SCARF1: variants seen among roughly 807,000 people sequenced by gnomAD.
SCARF1 encodes acetyl LDL receptor.
Under a neutral mutation model 76.3 loss-of-function variants are expected in SCARF1, and 49 were observed. The observed-to-expected ratio is 0.64, with a 90% CI of 0.51 to 0.81. The LOEUF (loss-of-function observed/expected upper bound fraction) is 0.81. SCARF1 is among the 40% of genes least tolerant of loss of function. SCARF1 has a pLI of 0.00. For synonymous variants in SCARF1, 495 were observed against 474.6 expected (o/e 1.04, Z -0.56); for missense variants, 1,098 against 1,143.9 (o/e 0.96, Z 0.58).
chr17:1,638,692 C>G lies in SCARF1; in HGVS notation c.1364+114G>C, dbSNP rs142317105. 527 of 1,336,148 alleles carry G rather than the reference C, an allele frequency of 3.9e-4. 3 individuals carry two copies. The African/African-American group carries it at 7.1e-3, about 18-fold the overall frequency. 82.8% of individuals were successfully genotyped at this position (1,336,148 alleles called of 1,614,324 possible). The stretch of plus-strand genomic sequence containing the variant: ...CCAGCCCTCCCCACCCCCATCACCT[C>G]TGACCCACGTGGGCAACAAGGCCAG... On this transcript the variant is annotated intron_variant, in intron 8 of 10. Coordinates refer to ENST00000263071, the MANE Select transcript of SCARF1 (RefSeq NM_003693.4).
At chr17:1,641,446 C>T (rs956235980) in intron 4 of SCARF1, among the ~76,000 whole-genome samples, 1 of 152,204 alleles carries the variant, frequency 6.6e-6, no homozygotes, top group Non-Finnish European at 1.5e-5. Flanking sequence ...ATTATTATTT[C>T]ATTATAGATT....
chr17:1,640,164 A>C lies in SCARF1; in HGVS notation c.1011-124T>G. 8.4e-7 allele frequency: 1 copy of C among 1,190,610 alleles called. No homozygotes were observed. Among genetic ancestry groups the C allele is most frequent in the East Asian group, 2.4e-5 (1 of 40,868 alleles). 73.8% of individuals were successfully genotyped at this position (1,190,610 alleles called of 1,614,324 possible). A position where few individuals can be genotyped will look rare whatever the true frequency, so the allele number is the denominator to read the frequency against. On this transcript the variant is annotated intron_variant, in intron 5 of 10. Transcript: ENST00000263071. The surrounding 1 kb of genome is among the most constrained non-coding windows in gnomAD (Gnocchi z 4.7). ...CCAACTGGCCACTCCTCAGCAGTGA[A>C]GCTCAGGTGCAAATAGGGCCTTGAA... is the stretch of plus-strand genomic sequence containing the variant.
Position 1,638,705 on chromosome 17 carries a change from G to A in SCARF1, c.1364+101C>T. ...CCCCCATCACCTCTGACCCACGTGG[G>A]CAACAAGGCCAGCCCTCCCCACCCC... On this transcript the variant is annotated intron_variant, in intron 8 of 10. Transcript: ENST00000263071. 4 of 1,372,270 alleles carry A rather than the reference G, an allele frequency of 2.9e-6. 1 individual carries two copies. In the South Asian group the frequency reaches 5.2e-5, roughly 18 times the overall value. The allele number at this position is 1,372,270 out of a possible 1,614,324, so 85.0% of individuals were successfully genotyped here.
chr17:1,635,728 G>A (rs1219863048), intron 10 of SCARF1, 111 bp from the exon 11 acceptor site: 13 of 1,324,346 alleles, frequency 9.8e-6, no homozygotes, highest in Non-Finnish European at 1.2e-5. Flanking sequence ...AAGGAAGAGG[G>A]CAAGGATGAG....
rs1910439232 is a variant in SCARF1 at position 1,645,254 on chromosome 17, G to A, written c.102-15C>T. ...CAGCAGAGGGGCTGTGGGGCAAAAA[G>A]GGGTCAGCCGGACATGGTGGGGGGT... On this transcript the variant is annotated splice_polypyrimidine_tract_variant and intron_variant, in intron 1 of 10. Transcript: ENST00000263071. The surrounding 1 kb of genome is among the most constrained non-coding windows in gnomAD (Gnocchi z 6.3). The A allele has an allele frequency of 5.0e-6, 8 of 1,612,270 alleles. No individual in the cohort carries two copies. Among genetic ancestry groups the A allele is most frequent in the Non-Finnish European group, 6.8e-6 (8 of 1,179,862 alleles).
At position 1,640,441 on chromosome 17, in the gene SCARF1, C is replaced by A; in HGVS notation, c.1010+7G>T. On this transcript the variant is annotated splice_region_variant and intron_variant, in intron 5 of 10. Transcript: ENST00000263071. The surrounding 1 kb of genome is among the most constrained non-coding windows in gnomAD (Gnocchi z 4.7). ...GTACCCCACCCTGAACAGAATGGTG[C>A]CCTCACCTGGGCCCCAGCCAGCCAG... is the stretch of plus-strand genomic sequence containing the variant. 1 of 1,549,404 alleles carries A rather than the reference C, an allele frequency of 6.5e-7. No individual in the cohort carries two copies. The highest frequency in any genetic ancestry group is 8.7e-7 in the Non-Finnish European group (1 of 1,146,564).
At position 1,644,270 on chromosome 17, in the gene SCARF1, C is replaced by A. The variant is rs1296563235; in HGVS notation, c.266-303G>T. 5.7e-6 allele frequency: 2 copies of A among 353,454 alleles called. No individual in the cohort carries two copies. Among genetic ancestry groups the A allele is most frequent in the Non-Finnish European group, 1.0e-5 (2 of 196,658 alleles). The allele number at this position is 353,454 out of a possible 1,614,324, so 21.9% of individuals were successfully genotyped here. A position where few individuals can be genotyped will look rare whatever the true frequency, so the allele number is the denominator to read the frequency against. Reference sequence around the variant, plus strand: ...GTGGCACCGAGGTTGGTGGGCCTTCCTCCATGCCTGCTCCTCCCTGCCGAG... The same window carrying A: ...GTGGCACCGAGGTTGGTGGGCCTTCATCCATGCCTGCTCCTCCCTGCCGAG... On this transcript the variant is annotated intron_variant, in intron 3 of 10. Coordinates refer to ENST00000263071, the MANE Select transcript of SCARF1 (RefSeq NM_003693.4). The surrounding 1 kb of genome is among the most constrained non-coding windows in gnomAD (Gnocchi z 4.8).
At position 1,641,214 on chromosome 17, in the gene SCARF1, C is replaced by T. The variant is rs530024853; in HGVS notation, c.792-548G>A. Among the ~76,000 whole-genome samples, 8 of 152,314 alleles carry T rather than the reference C, an allele frequency of 5.3e-5. 2 individuals are homozygous for T. Among genetic ancestry groups the T allele is most frequent in the East Asian group, 1.9e-4 (1 of 5,186 alleles). ...GAGATGACCAGCAGGGGAGCCTGAC[C>T]GCCTGAGCTCCGCTGCCAGCCAGAT... On this transcript the variant is annotated intron_variant, in intron 4 of 10. Coordinates refer to ENST00000263071, the MANE Select transcript of SCARF1 (RefSeq NM_003693.4).
rs1180908520 is a variant in SCARF1 at position 1,639,660 on chromosome 17, C to T, written c.1222G>A (p.Val408Ile). 1 of 1,574,134 alleles carries T rather than the reference C, an allele frequency of 6.4e-7. No individual in the cohort carries two copies. The highest frequency in any genetic ancestry group is 8.6e-7 in the Non-Finnish European group (1 of 1,159,898). ...CECPEGLCHP[V>I]SGSCQPGSGS... ...TTACCTGGCTGGCAGGACCCAGAGA[C>T]AGGGTGGCAGAGTCCCTCTGGGCAT... The change falls in exon 7 of 11, where the codon GTC becomes ATC. Residue 408 changes from valine (V) to isoleucine (I), a missense_variant. Transcript: ENST00000263071.
rs760501209 is a variant in SCARF1 at position 1,635,389 on chromosome 17, C to T, written c.1862G>A (p.Arg621Gln). 6 of 1,613,418 alleles carry T rather than the reference C, an allele frequency of 3.7e-6. No homozygotes were observed. The highest frequency in any genetic ancestry group is 2.2e-5 in the South Asian group (2 of 91,054). ...SPLRKPKRLS[R>Q]GAQSGPEGRE... ...GCCCTCAGGACCCGACTGCGCCCCC[C>T]GGGAGAGCCTCTTGGGCTTTCGGAG... The change falls in exon 11 of 11, where the codon CGG becomes CAG. Residue 621 changes from arginine (R) to glutamine (Q), a missense_variant. Physicochemically the swap from Arg to Gln is conservative, Grantham distance 43. Transcript: ENST00000263071.
chr17:1,643,731 C>G lies in SCARF1; in HGVS notation c.502G>C (p.Ala168Pro). Residue 168 changes from alanine to proline, a missense_variant, in exon 4 of 11, where the codon GCG (alanine) becomes CCG (proline). Physicochemically the swap from Ala to Pro is conservative, Grantham distance 27. Coordinates refer to ENST00000263071, the MANE Select transcript of SCARF1 (RefSeq NM_003693.4). Reference protein sequence around the residue: ...TCRRPCQCNTAAARCEQATGA... With the variant: ...TCRRPCQCNTPAARCEQATGA... ...GTGGCCTGCTCGCAGCGCGCCGCCG[C>G]GGTGTTGCACTGGCACGGGCGGCGG... The G allele has an allele frequency of 7.6e-7, 1 of 1,317,394 alleles. No individual in the cohort carries two copies. Among genetic ancestry groups the G allele is most frequent in the Non-Finnish European group, 9.6e-7 (1 of 1,039,648 alleles). The allele number at this position is 1,317,394 out of a possible 1,614,324, so 81.6% of individuals were successfully genotyped here.
At position 1,640,375 on chromosome 17, in the gene SCARF1, T is replaced by A; in HGVS notation, c.1010+73A>T. 7.4e-7 allele frequency: 1 copy of A among 1,355,704 alleles called. No homozygotes were observed. The highest frequency in any genetic ancestry group is 1.0e-6 in the Non-Finnish European group (1 of 984,036). The allele number at this position is 1,355,704 out of a possible 1,614,324, so 84.0% of individuals were successfully genotyped here. A position where few individuals can be genotyped will look rare whatever the true frequency, so the allele number is the denominator to read the frequency against. On this transcript the variant is annotated intron_variant, in intron 5 of 10. Coordinates refer to ENST00000263071, the MANE Select transcript of SCARF1 (RefSeq NM_003693.4). The surrounding 1 kb of genome is among the most constrained non-coding windows in gnomAD (Gnocchi z 4.7). ...ACCTGTGTGTCGGGGAGGGTGGTGC[T>A]CTCGGAGAGAGCCGCTGAGCTGAGG...
At chr17:1,637,358 A>G (rs983131617) in intron 8 of SCARF1, among the ~76,000 whole-genome samples, 1 of 146,744 alleles carries the variant, frequency 6.8e-6, no homozygotes, top group East Asian at 2.0e-4. Context: ...CTATCTATCT[A>G]TCTATCTATC....
Position 1,640,724 on chromosome 17 carries a change from C to G in SCARF1, c.792-58G>C. The G allele has an allele frequency of 7.3e-6, 11 of 1,497,766 alleles. No individual in the cohort carries two copies. Among genetic ancestry groups the G allele is most frequent in the Non-Finnish European group, 1.0e-5 (11 of 1,092,252 alleles). The allele number at this position is 1,497,766 out of a possible 1,614,324, so 92.8% of individuals were successfully genotyped here. A position where few individuals can be genotyped will look rare whatever the true frequency, so the allele number is the denominator to read the frequency against. On this transcript the variant is annotated intron_variant, in intron 4 of 10. Transcript: ENST00000263071. This position sits in a 1 kb window ranked among gnomAD's most constrained non-coding sequence, Gnocchi z 4.7. ...GGGTGGATGGATGGAGCGCCCACCC[C>G]CTCCTACCCCTGTACTCCACGCAGG...
Position 1,640,994 on chromosome 17 carries a change from C to T in SCARF1, c.792-328G>A, listed in dbSNP as rs1169549979. 6.6e-6 allele frequency among the ~76,000 whole-genome samples: 1 copy of T among 152,210 alleles called. No homozygotes were observed. Among genetic ancestry groups the T allele is most frequent in the Admixed American group, 6.5e-5 (1 of 15,282 alleles). On this transcript the variant is annotated intron_variant, in intron 4 of 10. Coordinates refer to ENST00000263071, the MANE Select transcript of SCARF1 (RefSeq NM_003693.4). The surrounding 1 kb of genome is among the most constrained non-coding windows in gnomAD (Gnocchi z 4.7). The stretch of plus-strand genomic sequence containing the variant: ...CCATTTGCGAGGTCTGCCAGGCCTT[C>T]CCTCCTGCTCTTTTCACTTTTCCTT...
intron 4 of SCARF1, among the ~76,000 whole-genome samples, chr17:1,641,380 G>A (rs942399723): frequency 6.6e-6 from 1 of 152,116 alleles, no homozygotes; most frequent in East Asian, 1.9e-4. Context: ...TGGGACCCTC[G>A]AGCTGCGGGA....
Position 1,643,985 on chromosome 17 carries a change from G to A in SCARF1, c.266-18C>T. The A allele has an allele frequency of 2.3e-6, 3 of 1,314,042 alleles. No homozygotes were observed. Among genetic ancestry groups the A allele is most frequent in the Non-Finnish European group, 2.9e-6 (3 of 1,034,320 alleles). 81.4% of individuals were successfully genotyped at this position (1,314,042 alleles called of 1,614,324 possible). On this transcript the variant is annotated intron_variant, in intron 3 of 10. Coordinates refer to ENST00000263071, the MANE Select transcript of SCARF1 (RefSeq NM_003693.4). ...CGGGCAGCCTGCGGGGGTGGGGACG[G>A]GAGGGGTCAGCGGGCTCAGGGCCGC...
chr17:1,645,361 G>A lies in SCARF1; in HGVS notation c.102-122C>T. ...CCTTAGCCCCCTGGGGAGGCCTAATGGATCTTTACAGCTAGGGTCCCCAGC... is the reference window on the plus strand; with the variant it reads ...CCTTAGCCCCCTGGGGAGGCCTAATAGATCTTTACAGCTAGGGTCCCCAGC... On this transcript the variant is annotated intron_variant, in intron 1 of 10. Coordinates refer to ENST00000263071, the MANE Select transcript of SCARF1 (RefSeq NM_003693.4). The surrounding 1 kb of genome is among the most constrained non-coding windows in gnomAD (Gnocchi z 6.3). 7.0e-7 allele frequency: 1 copy of A among 1,422,466 alleles called. No homozygotes were observed. Among genetic ancestry groups the A allele is most frequent in the South Asian group, 1.2e-5 (1 of 80,308 alleles). The allele number at this position is 1,422,466 out of a possible 1,614,324, so 88.1% of individuals were successfully genotyped here.
At position 1,645,699 on chromosome 17, in the gene SCARF1, G is replaced by C; in HGVS notation, c.-2C>G. On this transcript the variant is annotated 5_prime_UTR_variant, in exon 1 of 11. Transcript: ENST00000263071. This position sits in a 1 kb window ranked among gnomAD's most constrained non-coding sequence, Gnocchi z 6.3. Reference sequence around the variant, plus strand: ...CGGGAGCAGCAGCCCCAGCCCCATGGCAGGCAGCTCGGTGGGAGCGCTCGG... The same window carrying C: ...CGGGAGCAGCAGCCCCAGCCCCATGCCAGGCAGCTCGGTGGGAGCGCTCGG... The C allele has an allele frequency of 6.3e-7, 1 of 1,598,412 alleles. No homozygotes were observed. Among genetic ancestry groups the C allele is most frequent in the South Asian group, 1.1e-5 (1 of 89,672 alleles).
Sources: allele counts gnomAD v4.1 joint callset (sites outside exome capture counted in the v4.1 genomes callset), GRCh38; gene constraint gnomAD v4.1.1; non-coding constraint Gnocchi (gnomAD v3.1); transcripts MANE v1.5; gene names NCBI Gene and HGNC (gene_info 2026-07-23, HGNC 2026-07-21).